The following SMPDL3A variants were observed in gnomAD, a reference collection of about 807,000 sequenced individuals.
SMPDL3A encodes cyclic GMP-AMP phosphodiesterase SMPDL3A.
A neutral mutation model predicts 38.5 loss-of-function variants in SMPDL3A; 39 were observed. That is an observed-to-expected ratio of 1.01 (90% CI 0.78 to 1.32). SMPDL3A has a LOEUF of 1.32. Among genes scored for constraint, SMPDL3A ranks in the 40% most tolerant of loss-of-function variants. The probability of loss-of-function intolerance (pLI) is 0.00; values close to 1 mark genes in which losing one functional copy is unlikely to be tolerated. For missense variants in SMPDL3A, 502 were observed against 536.2 expected (o/e 0.94, Z 0.63); for synonymous variants, 180 against 194.3 (o/e 0.93, Z 0.61).
In SMPDL3A at chr6:122,795,794, G is replaced by T; in HGVS notation, c.230G>T (p.Gly77Val). ...GANASNPGPFGDVLCDSPYQL... is the reference protein window; with the variant it reads ...GANASNPGPFVDVLCDSPYQL... ...AATGCCTCCAACCCTGGCCCTTTTG[G>T]AGATGTTCTGTGTGATTCTCCATAT... is the stretch of plus-strand genomic sequence containing the variant. Residue 77 changes from glycine to valine, a missense_variant, in exon 2 of 8, where the codon GGA becomes GTA. Coordinates refer to ENST00000368440, the MANE Select transcript of SMPDL3A (RefSeq NM_006714.5). The T allele has an allele frequency of 3.1e-6, 5 of 1,614,088 alleles. No homozygotes were observed. The highest frequency in any genetic ancestry group is 1.1e-5 in the South Asian group (1 of 91,078).
Position 122,789,431 on chromosome 6 carries a change from G to A in SMPDL3A, c.85G>A (p.Gly29Ser). Residue 29 changes from glycine (G) to serine (S), a missense_variant, in exon 1 of 8, where the codon GGC becomes AGC. Physicochemically the swap from Gly to Ser is moderately conservative, Grantham distance 56 (BLOSUM62 0). Coordinates refer to ENST00000368440, the MANE Select transcript of SMPDL3A (RefSeq NM_006714.5). ...CCTCGGGCTGCCCGTGGCGCCCGCA[G>A]GCGGCAGGAATCCTCCTCCGGCGAT... ...SGLGLPVAPA[G>S]GRNPPPAIGQ... 2.6e-6 allele frequency: 4 copies of A among 1,549,448 alleles called. No individual in the cohort carries two copies. Among genetic ancestry groups the A allele is most frequent in the Non-Finnish European group, 3.5e-6 (4 of 1,146,344 alleles).
chr6:122,789,718 C>G (rs891326601), intron 1 of SMPDL3A: 3 of 611,286 alleles, frequency 4.9e-6, no homozygotes, highest in Non-Finnish European at 6.1e-6. Flanking sequence ...TCCAAGGGCG[C>G]GTCGGCCGGA....
At chr6:122,798,553 G>A (rs764681074) in intron 3 of SMPDL3A, among the ~76,000 whole-genome samples, 129 of 152,248 alleles carry the variant, frequency 8.5e-4, no homozygotes, top group Admixed American at 2.9e-3. Context: ...TCACTCATTT[G>A]TACATAGAAG....
Position 122,804,179 on chromosome 6 carries a change from G to C in SMPDL3A, c.738+346G>C, listed in dbSNP as rs182639132. 1.1e-3 allele frequency among the ~76,000 whole-genome samples: 163 copies of C among 151,854 alleles called. 1 individual carries two copies. Among genetic ancestry groups the C allele is most frequent in the African/African-American group, 3.8e-3 (156 of 41,400 alleles). On this transcript the variant is annotated intron_variant, in intron 5 of 7. Transcript: ENST00000368440. ...ATTTTTGTATTTTTAGCAGAGACGG[G>C]GTTTTACCATGTTGGCCAGGTTGGT...
At position 122,796,706 on chromosome 6, in the gene SMPDL3A, G is replaced by A. The variant is rs144825089; in HGVS notation, c.327-118G>A. The A allele has an allele frequency of 4.7e-3, 3,165 of 676,278 alleles. 17 individuals are homozygous for A. Among genetic ancestry groups the A allele is most frequent in the Non-Finnish European group, 6.9e-3 (2,918 of 424,202 alleles). The allele number at this position is 676,278 out of a possible 1,614,324, so 41.9% of individuals were successfully genotyped here. On this transcript the variant is annotated intron_variant, in intron 2 of 7. Transcript: ENST00000368440. ...AGAGTAGTCTATCAACTCTTTAGCT[G>A]TAATCTGCTGTTTTAAAATGGAAGT...
At chr6:122,800,707 A>C (rs1052147102) in intron 3 of SMPDL3A, among the ~76,000 whole-genome samples, 5 of 149,690 alleles carry the variant, frequency 3.3e-5, no homozygotes, top group African/African-American at 4.9e-5. Context: ...TAGTCTCTTC[A>C]CTCTCTAATT....
intron 7 of SMPDL3A, among the ~76,000 whole-genome samples, chr6:122,807,091 G>GC (rs1340698361): frequency 2.1e-5 from 3 of 145,426 alleles, no homozygotes; most frequent in African/African-American, 7.5e-5. Context: ...TGGGGGGGGG[G>GC]GGTCTCCCTA....
chr6:122,801,378 TGAA>T lies in SMPDL3A; in HGVS notation c.545_547del (p.Glu182del). ...CAAACCTCTGGAAACCATGGCTAGA[TGAA>T]GAAGCTATTAGTACTTTAAGGAAAG... On this transcript the variant is annotated inframe_deletion, in exon 4 of 8. Coordinates refer to ENST00000368440, the MANE Select transcript of SMPDL3A (RefSeq NM_006714.5). The T allele has an allele frequency of 2.5e-6, 4 of 1,612,034 alleles. No homozygotes were observed. The highest frequency in any genetic ancestry group is 2.5e-6 in the Non-Finnish European group (3 of 1,178,064).
At chr6:122,789,759 G>A in intron 1 of SMPDL3A, 4 of 854,486 alleles carry the variant, frequency 4.7e-6, no homozygotes, top group Non-Finnish European at 5.6e-6. Flanking sequence ...TTTACATCCT[G>A]CATCTCAGTT....
intron 1 of SMPDL3A, among the ~76,000 whole-genome samples, chr6:122,794,837 T>C (rs2115162477): frequency 1.3e-5 from 2 of 152,338 alleles, no homozygotes; most frequent in Admixed American, 1.3e-4. Context: ...ATTTATGTTC[T>C]TTGAATTAAT....
At chr6:122,794,207 A>G (rs1329919770) in intron 1 of SMPDL3A, among the ~76,000 whole-genome samples, 1 of 152,204 alleles carries the variant, frequency 6.6e-6, no homozygotes, top group East Asian at 1.9e-4. Flanking sequence ...ATGACATAGT[A>G]TATTTAAATT....
At chr6:122,805,930 T>C (rs1781600225) in intron 6 of SMPDL3A, among the ~76,000 whole-genome samples, 1 of 152,198 alleles carries the variant, frequency 6.6e-6, no homozygotes, top group African/African-American at 2.4e-5. Context: ...TATTTGAAAG[T>C]GAATCTCAAA....
At chr6:122,791,123 TC>T (rs1395362305) in intron 1 of SMPDL3A, among the ~76,000 whole-genome samples, 1 of 152,158 alleles carries the variant, frequency 6.6e-6, no homozygotes, top group Admixed American at 6.5e-5. Context: ...TGCTTGGACT[TC>T]CTTTCAGCAT....
chr6:122,809,066 G>A (rs1324690026), intron 7 of SMPDL3A, 25 bp from the exon 8 acceptor site: 9 of 1,588,202 alleles, frequency 5.7e-6, no homozygotes, highest in Non-Finnish European at 7.8e-6. Context: ...AGTGAACCAG[G>A]TTTTGTTACT....
intron 2 of SMPDL3A, 39 bp from the exon 3 acceptor site, chr6:122,796,785 A>G (rs765641391): frequency 6.9e-6 from 11 of 1,588,076 alleles, no homozygotes; most frequent in Non-Finnish European, 9.5e-6. Flanking sequence ...ACTCTTTATG[A>G]AACTGATTTT....
At chr6:122,796,000 T>C (rs994311403) in intron 2 of SMPDL3A, 110 bp downstream of exon 2, 105 of 834,348 alleles carry the variant, frequency 1.3e-4, no homozygotes, top group African/African-American at 4.3e-4. Flanking sequence ...TAAGAGTTAT[T>C]TGAGTTAAAA....
chr6:122,801,378 T>A lies in SMPDL3A; in HGVS notation c.540T>A (p.Asp180Glu). 3 of 1,612,034 alleles carry A rather than the reference T, an allele frequency of 1.9e-6. No homozygotes were observed. The highest frequency in any genetic ancestry group is 1.7e-5 in the Admixed American group (1 of 60,032). ...CAAACCTCTGGAAACCATGGCTAGA[T>A]GAAGAAGCTATTAGTACTTTAAGGA... ...AVANLWKPWL[D>E]EEAISTLRKG... The change falls in exon 4 of 8, where the codon GAT (aspartate) becomes GAA (glutamate). Residue 180 changes from aspartate to glutamate, a missense_variant. Coordinates refer to ENST00000368440, the MANE Select transcript of SMPDL3A (RefSeq NM_006714.5).
chr6:122,789,512 G>A, intron 1 of SMPDL3A, 54 bp downstream of exon 1: 1 of 1,442,414 alleles, frequency 6.9e-7, no homozygotes, highest in Non-Finnish European at 9.5e-7. Flanking sequence ...CGGAGCGGCG[G>A]CGCCTGCGCA....
chr6:122,805,020 G>A lies in SMPDL3A; in HGVS notation c.850G>A (p.Asp284Asn), dbSNP rs545715861. Residue 284 changes from aspartate (D) to asparagine (N), a missense_variant, in exon 6 of 8, where the codon GAT becomes AAT. Asp to Asn is a conservative substitution (Grantham distance 23). Coordinates refer to ENST00000368440, the MANE Select transcript of SMPDL3A (RefSeq NM_006714.5). ...GATAGATATTTTTCAAAAATACAGT[G>A]ATGTCATTGCAGGACAATTTTATGG... Reference protein sequence around the residue: ...KLIDIFQKYSDVIAGQFYGHT... With the variant: ...KLIDIFQKYSNVIAGQFYGHT... The A allele has an allele frequency of 1.2e-6, 2 of 1,613,328 alleles. No individual in the cohort carries two copies. Among genetic ancestry groups the A allele is most frequent in the South Asian group, 2.2e-5 (2 of 90,778 alleles).
Sources: gnomAD v4.1 joint callset for allele counts (sites outside exome capture counted in the v4.1 genomes callset) on GRCh38, gnomAD v4.1.1 for gene constraint, MANE v1.5 for transcripts, NCBI Gene and HGNC (gene_info 2026-07-23, HGNC 2026-07-21) for gene names.